VAT1L: variants seen among roughly 807,000 people sequenced by gnomAD.
VAT1L encodes putative NADPH-dependent quinone oxidoreductase VAT1L.
A neutral mutation model predicts 44.1 loss-of-function variants in VAT1L; 34 were observed. The observed-to-expected ratio is 0.77, with a 90% CI of 0.59 to 1.03. The LOEUF (loss-of-function observed/expected upper bound fraction) is 1.03. Among genes scored for constraint, VAT1L ranks in the 50% least tolerant of loss-of-function variants. The pLI, the probability that VAT1L is intolerant of heterozygous loss-of-function variation, is 0.00. For missense variants in VAT1L, 615 were observed against 538.8 expected (o/e 1.14, Z -1.40); for synonymous variants, 253 against 202.2 (o/e 1.25, Z -2.13).
chr16:77,925,049 C>T (rs766126980), intron 7 of VAT1L, among the ~76,000 whole-genome samples: 7 of 152,062 alleles, frequency 4.6e-5, no homozygotes, highest in African/African-American at 7.2e-5. Flanking sequence ...ATGGGTGGTC[C>T]GTTATGTAAA....
chr16:77,847,712 C>T (rs544178663), intron 3 of VAT1L, among the ~76,000 whole-genome samples: 5 of 152,100 alleles, frequency 3.3e-5, no homozygotes, highest in Admixed American at 6.5e-5. Context: ...GTTCTAAAGT[C>T]GAGTGGCAAA....
intron 7 of VAT1L, among the ~76,000 whole-genome samples, chr16:77,939,475 A>G (rs924877808): frequency 2.0e-5 from 3 of 152,194 alleles, no homozygotes; most frequent in Admixed American, 6.5e-5. Flanking sequence ...GGCTCCCTTT[A>G]GAGATCTGTT....
chr16:77,942,150 TCA>T (rs747252697), intron 7 of VAT1L, among the ~76,000 whole-genome samples: 42 of 152,324 alleles, frequency 2.8e-4, no homozygotes, highest in South Asian at 4.1e-4. Flanking sequence ...TTTAATGGAC[TCA>T]CAGTTCCATG....
In VAT1L at chr16:77,958,756, G is replaced by A. The variant is rs74716586; in HGVS notation, c.1078-13094G>A. ...AGGAGAACAACTACCATCCAAGGAC[G>A]CAGGACAAAAGGAACAGTTGCTCCA... On this transcript the variant is annotated intron_variant, in intron 7 of 8. Transcript: ENST00000302536. 7.2e-5 allele frequency among the ~76,000 whole-genome samples: 11 copies of A among 152,262 alleles called. No individual in the cohort carries two copies. The East Asian group carries it at 1.4e-3, about 19-fold the overall frequency.
intron 2 of VAT1L, among the ~76,000 whole-genome samples, chr16:77,819,901 A>G (rs974389209): frequency 6.6e-6 from 1 of 152,168 alleles, no homozygotes; most frequent in Non-Finnish European, 1.5e-5. Flanking sequence ...GCAAACATGT[A>G]TTGCTCTTTC....
intron 1 of VAT1L, among the ~76,000 whole-genome samples, chr16:77,809,568 G>A (rs1464550663): frequency 1.3e-5 from 2 of 152,114 alleles, no homozygotes; most frequent in Non-Finnish European, 2.9e-5. Flanking sequence ...TCAGAGCTGG[G>A]GCCAGGATGT....
At chr16:77,855,341 G>GAAA (rs747929473) in intron 3 of VAT1L, among the ~76,000 whole-genome samples, 2 of 95,978 alleles carry the variant, frequency 2.1e-5, no homozygotes, top group African/African-American at 3.7e-5. Context: ...CTCCATCTCA[G>GAAA]AAAAAAAAAA....
rs374833775 is a variant in VAT1L at position 77,945,701 on chromosome 16, A to G, written c.1078-26149A>G. On this transcript the variant is annotated intron_variant, in intron 7 of 8. Transcript: ENST00000302536. ...AAGAAAAATCATACTCCCATTACCAACAGTAACCCTTTTGTATGAGTTGTC... is the reference window on the plus strand; with the variant it reads ...AAGAAAAATCATACTCCCATTACCAGCAGTAACCCTTTTGTATGAGTTGTC... Among the ~76,000 whole-genome samples, 30 of 152,108 alleles carry G rather than the reference A, an allele frequency of 2.0e-4. No homozygotes were observed. The East Asian group carries it at 3.3e-3, about 17-fold the overall frequency.
intron 8 of VAT1L, among the ~76,000 whole-genome samples, chr16:77,974,595 C>T (rs765441846): frequency 1.3e-5 from 2 of 152,194 alleles, no homozygotes; most frequent in Non-Finnish European, 2.9e-5. Context: ...TGCAGTCTCA[C>T]TCTGTCACCC....
chr16:77,949,909 T>G (rs2018020141), intron 7 of VAT1L, among the ~76,000 whole-genome samples: 1 of 152,190 alleles, frequency 6.6e-6, no homozygotes, highest in Non-Finnish European at 1.5e-5. Context: ...TCCTAGACAG[T>G]TGGTTGTCAC....
At chr16:77,930,049 T>C (rs1408024581) in intron 7 of VAT1L, among the ~76,000 whole-genome samples, 1 of 152,162 alleles carries the variant, frequency 6.6e-6, no homozygotes, top group Non-Finnish European at 1.5e-5. Flanking sequence ...CCAATACCCA[T>C]AGCCCATACT....
chr16:77,939,631 C>G (rs1420141754), intron 7 of VAT1L, among the ~76,000 whole-genome samples: 1 of 152,148 alleles, frequency 6.6e-6, no homozygotes. Context: ...ATCTCAAACC[C>G]TCTTGCTACC....
chr16:77,858,952 A>G (rs1397432560), intron 3 of VAT1L, among the ~76,000 whole-genome samples: 1 of 152,078 alleles, frequency 6.6e-6, no homozygotes, highest in Non-Finnish European at 1.5e-5. Context: ...CCTGACCAAC[A>G]TGGAGAAACC....
chr16:77,946,118 G>A (rs535477937), intron 7 of VAT1L, among the ~76,000 whole-genome samples: 1 of 151,518 alleles, frequency 6.6e-6, no homozygotes, highest in African/African-American at 2.4e-5. Context: ...CCGTTTTTTA[G>A]ACATTATCAC....
In VAT1L at chr16:77,788,781, G is replaced by T. The variant is rs1365313936; in HGVS notation, c.99G>T (p.Ser33=). The stretch of plus-strand genomic sequence containing the variant: ...CGGAGGGCGGCGGCGGCGACGGCTC[G>T]CACCGCCTCGGGGACGCCCAGGAGA... ...EPAEGGGGDG[S]HRLGDAQEMR... Residue 33 remains serine (S), a synonymous_variant, in exon 1 of 9, where the codon TCG becomes TCT. Coordinates refer to ENST00000302536, the MANE Select transcript of VAT1L (RefSeq NM_020927.3). 5.1e-6 allele frequency: 8 copies of T among 1,563,942 alleles called. No homozygotes were observed. The highest frequency in any genetic ancestry group is 6.1e-6 in the Non-Finnish European group (7 of 1,154,964).
intron 7 of VAT1L, among the ~76,000 whole-genome samples, chr16:77,895,199 G>A (rs781335636): frequency 4.0e-5 from 6 of 151,070 alleles, no homozygotes; most frequent in Non-Finnish European, 5.9e-5. Flanking sequence ...GCACTATCAC[G>A]CCCCCAGGCC....
intron 7 of VAT1L, among the ~76,000 whole-genome samples, chr16:77,965,403 T>A (rs2018212314): frequency 6.6e-6 from 1 of 152,178 alleles, no homozygotes; most frequent in Non-Finnish European, 1.5e-5. Context: ...CTTGGGATGC[T>A]GTCAAATTGG....
At chr16:77,955,032 T>G (rs945466106) in intron 7 of VAT1L, among the ~76,000 whole-genome samples, 3 of 152,192 alleles carry the variant, frequency 2.0e-5, no homozygotes, top group African/African-American at 7.2e-5. Context: ...GAGACCATAT[T>G]GTGTTCTGTT....
At chr16:77,869,522 C>A (rs11648787) in intron 4 of VAT1L, among the ~76,000 whole-genome samples, 16,874 of 151,974 alleles carry the variant, frequency 0.11, 1,396 homozygotes, top group African/African-American at 0.23. Flanking sequence ...AAAAACAATT[C>A]GCTGGGTGTA....
Sources: gnomAD v4.1 joint callset for allele counts (sites outside exome capture counted in the v4.1 genomes callset) on GRCh38, gnomAD v4.1.1 for gene constraint, MANE v1.5 for transcripts, NCBI Gene and HGNC (gene_info 2026-07-23, HGNC 2026-07-21) for gene names.